Variants in PLEKHJ1 observed in about 807,000 individuals in gnomAD.
PLEKHJ1 encodes pleckstrin homology domain containing J1.
In PLEKHJ1, 20 loss-of-function variants were observed where a neutral mutation model predicts 21.7. The ratio of observed to expected loss-of-function variants is 0.92; its 90% CI spans 0.65 to 1.34. The LOEUF is 1.34. Ranked by LOEUF, PLEKHJ1 falls within the 40% of genes most tolerant of loss-of-function variation. The probability of loss-of-function intolerance (pLI) is 0.00; values close to 1 mark genes in which losing one functional copy is unlikely to be tolerated. For missense variants in PLEKHJ1, 241 were observed against 202.0 expected (o/e 1.19, Z -1.17); for synonymous variants, 113 against 80.6 (o/e 1.40, Z -2.15).
downstream of PLEKHJ1, chr19:2,230,052 G>A: frequency 3.3e-6 from 2 of 611,606 alleles, no homozygotes; most frequent in Admixed American, 6.4e-5. Context: ...CATCTAAGTG[G>A]TAAAAGGCAA....
downstream of PLEKHJ1, chr19:2,232,447 G>A (rs915355968): frequency 9.0e-6 from 2 of 222,684 alleles, no homozygotes. Context: ...GTGTCTTCCG[G>A]GTGAACTGTA....
At chr19:2,230,780 A>C, downstream of PLEKHJ1, 2 of 388,860 alleles carry the variant, frequency 5.1e-6, no homozygotes, top group Non-Finnish European at 4.5e-6. Flanking sequence ...CAGTGCACAA[A>C]ATGGCCCCAG....
Position 2,233,733 on chromosome 19 carries a change from C to A in PLEKHJ1, c.*107G>T. The A allele has an allele frequency of 1.8e-6, 2 of 1,084,002 alleles. No individual in the cohort carries two copies. The highest frequency in any genetic ancestry group is 1.5e-5 in the South Asian group (1 of 68,142). 67.1% of individuals were successfully genotyped at this position (1,084,002 alleles called of 1,614,324 possible). A position where few individuals can be genotyped will look rare whatever the true frequency, so the allele number is the denominator to read the frequency against. On this transcript the variant is annotated 3_prime_UTR_variant, in exon 6 of 6. Transcript: ENST00000326631. ...CCTGGGCAACACAGTGAAACCCTGACCCAAAAACCAAAAACCAAAACAAAA... is the reference window on the plus strand; with the variant it reads ...CCTGGGCAACACAGTGAAACCCTGAACCAAAAACCAAAAACCAAAACAAAA...
rs1378920452 is a variant in PLEKHJ1, at chr19:2,233,535, C to T, written c.*305G>A. 9 of 481,256 alleles carry T rather than the reference C, an allele frequency of 1.9e-5. No homozygotes were observed. Among genetic ancestry groups the T allele is most frequent in the Non-Finnish European group, 3.3e-5 (9 of 270,956 alleles). The allele number at this position is 481,256 out of a possible 1,614,324, so 29.8% of individuals were successfully genotyped here. A position where few individuals can be genotyped will look rare whatever the true frequency, so the allele number is the denominator to read the frequency against. On this transcript the variant is annotated 3_prime_UTR_variant, in exon 6 of 6. Coordinates refer to ENST00000326631, the MANE Select transcript of PLEKHJ1 (RefSeq NM_018049.3). The stretch of plus-strand genomic sequence containing the variant: ...GCAGCCCCTGCCCACACCCACCTGG[C>T]TTCAGGCTTTGGATGTCTCCAAACC...
At position 2,233,436 on chromosome 19, in the gene PLEKHJ1, G is replaced by C. The variant is rs945572799; in HGVS notation, c.*404C>G. 4.2e-6 allele frequency: 1 copy of C among 239,776 alleles called. No homozygotes were observed. The allele number at this position is 239,776 out of a possible 1,614,324, so 14.9% of individuals were successfully genotyped here. On this transcript the variant is annotated 3_prime_UTR_variant, in exon 6 of 6. Transcript: ENST00000326631. ...CATATCCTGGCGGCAGCAGCACGTG[G>C]CACCAGGTGCCAGGCCAGTTAGGTG...
rs2024797534 is a variant in PLEKHJ1 at position 2,235,954 on chromosome 19, A to T, written c.131T>A (p.Phe44Tyr). ...KRRLVKLVVN[F>Y]LFYFRTDEAE... is the part of the protein sequence containing the mutation. ...CTCGTCTGTCCGAAAGTAGAAGAGGAAATTCACCACCAGCTTCACCAGCCG... is the reference window on the plus strand; with the variant it reads ...CTCGTCTGTCCGAAAGTAGAAGAGGTAATTCACCACCAGCTTCACCAGCCG... The change falls in exon 2 of 6, where the codon TTC (phenylalanine) becomes TAC (tyrosine). Residue 44 changes from phenylalanine (F) to tyrosine (Y), a missense_variant. Physicochemically the swap from Phe to Tyr is conservative, Grantham distance 22. Transcript: ENST00000326631. The T allele has an allele frequency of 6.2e-7, 1 of 1,610,394 alleles. No homozygotes were observed. Among genetic ancestry groups the T allele is most frequent in the African/African-American group, 1.3e-5 (1 of 74,712 alleles).
chr19:2,233,911 G>A lies in PLEKHJ1; in HGVS notation c.385-6C>T. 1 of 1,612,684 alleles carries A rather than the reference G, an allele frequency of 6.2e-7. No individual in the cohort carries two copies. Among genetic ancestry groups the A allele is most frequent in the Non-Finnish European group, 8.5e-7 (1 of 1,179,840 alleles). On this transcript the variant is annotated splice_region_variant and splice_polypyrimidine_tract_variant and intron_variant, in intron 5 of 5. Transcript: ENST00000326631. ...CCGAACTGTTCCAGGGGGTCCTGTG[G>A]GGAGGACGGGTGGCCATGAGCCAGG...
downstream of PLEKHJ1, chr19:2,232,313 T>G (rs749769511): frequency 1.8e-4 from 38 of 213,924 alleles, 1 homozygote; most frequent in Non-Finnish European, 3.3e-4. Flanking sequence ...GATGCGTCAG[T>G]CTGTTCAGTG....
At position 2,236,302 on chromosome 19, in the gene PLEKHJ1, T is replaced by C; in HGVS notation, c.-54A>G. 1.7e-6 allele frequency: 2 copies of C among 1,174,334 alleles called. No homozygotes were observed. Among genetic ancestry groups the C allele is most frequent in the Non-Finnish European group, 2.2e-6 (2 of 901,824 alleles). 72.7% of individuals were successfully genotyped at this position (1,174,334 alleles called of 1,614,324 possible). On this transcript the variant is annotated 5_prime_UTR_variant, in exon 1 of 6. Transcript: ENST00000326631. The stretch of plus-strand genomic sequence containing the variant: ...GCGCCCTCCCGGCCGCCGTCCCCGC[T>C]CAGGCTGGGGCCGGCGCCAAAAATG...
At position 2,236,256 on chromosome 19, in the gene PLEKHJ1, C is replaced by T; in HGVS notation, c.-8G>A. 7.2e-7 allele frequency: 1 copy of T among 1,381,360 alleles called. No homozygotes were observed. Among genetic ancestry groups the T allele is most frequent in the Non-Finnish European group, 9.4e-7 (1 of 1,068,682 alleles). The allele number at this position is 1,381,360 out of a possible 1,614,324, so 85.6% of individuals were successfully genotyped here. A position where few individuals can be genotyped will look rare whatever the true frequency, so the allele number is the denominator to read the frequency against. On this transcript the variant is annotated 5_prime_UTR_variant, in exon 1 of 6. Coordinates refer to ENST00000326631, the MANE Select transcript of PLEKHJ1 (RefSeq NM_018049.3). Reference sequence around the variant, plus strand: ...CTTCTCGTTGTACCGCATGGCTCCGCGGGGAACGGGAACCCGGGCCGCGCC... The same window carrying T: ...CTTCTCGTTGTACCGCATGGCTCCGTGGGGAACGGGAACCCGGGCCGCGCC...
downstream of PLEKHJ1, chr19:2,231,360 C>T (rs985695943): frequency 9.6e-6 from 2 of 208,482 alleles, no homozygotes; most frequent in African/African-American, 2.3e-5. Flanking sequence ...GATGGACACA[C>T]GTCACATCCC....
rs367767708 is a variant in PLEKHJ1 at position 2,236,240 on chromosome 19, G to A, written c.9C>T (p.Tyr3=). The A allele has an allele frequency of 3.9e-4, 560 of 1,432,412 alleles. 2 individuals carry two copies. In the African/African-American group the frequency reaches 6.7e-3, roughly 17 times the overall value. 88.7% of individuals were successfully genotyped at this position (1,432,412 alleles called of 1,614,324 possible). A position where few individuals can be genotyped will look rare whatever the true frequency, so the allele number is the denominator to read the frequency against. The part of the protein sequence containing the change: MR[Y]NEKELQALSR... ...ACAGAGCCTGCAGCTCCTTCTCGTTGTACCGCATGGCTCCGCGGGGAACGG... is the reference window on the plus strand; with the variant it reads ...ACAGAGCCTGCAGCTCCTTCTCGTTATACCGCATGGCTCCGCGGGGAACGG... The change falls in exon 1 of 6, where the codon TAC becomes TAT. Residue 3 remains tyrosine, a synonymous_variant. Coordinates refer to ENST00000326631, the MANE Select transcript of PLEKHJ1 (RefSeq NM_018049.3).
At chr19:2,234,118 C>T in intron 4 of PLEKHJ1, 32 bp downstream of exon 4, 5 of 1,611,218 alleles carry the variant, frequency 3.1e-6, no homozygotes, top group Non-Finnish European at 4.2e-6. Flanking sequence ...GCTGTGCCCA[C>T]CCCAGCAGTG....
rs758101555 is a variant in PLEKHJ1 at position 2,235,832 on chromosome 19, G to T, written c.163-4C>A. On this transcript the variant is annotated splice_region_variant and splice_polypyrimidine_tract_variant and intron_variant, in intron 2 of 5. Coordinates refer to ENST00000326631, the MANE Select transcript of PLEKHJ1 (RefSeq NM_018049.3). ...CCAGCAGCAGGGCTCCGACGGGCTG[G>T]AGGAGACACGGGCGCCGGGACGGGG... 9.0e-5 allele frequency: 140 copies of T among 1,559,472 alleles called. No homozygotes were observed. Among genetic ancestry groups the T allele is most frequent in the South Asian group, 3.7e-4 (32 of 85,436 alleles).
At chr19:2,235,414 C>A in intron 3 of PLEKHJ1, 1 of 269,200 alleles carries the variant, frequency 3.7e-6, no homozygotes, top group Non-Finnish European at 7.0e-6. Flanking sequence ...GGATTTCCAG[C>A]CCGGGGCCAT....
rs901467362 is a variant in PLEKHJ1, at chr19:2,235,823, G to A, written c.168C>T (p.Val56=). 2.6e-6 allele frequency: 4 copies of A among 1,555,420 alleles called. No individual in the cohort carries two copies. Among genetic ancestry groups the A allele is most frequent in the African/African-American group, 1.4e-5 (1 of 73,296 alleles). Residue 56 remains valine, a synonymous_variant, in exon 3 of 6, where the codon GTC becomes GTT. Transcript: ENST00000326631. ...FYFRTDEAEP[V]GALLLERCRV... ...TGCAGCGCTCCAGCAGCAGGGCTCCGACGGGCTGGAGGAGACACGGGCGCC... is the reference window on the plus strand; with the variant it reads ...TGCAGCGCTCCAGCAGCAGGGCTCCAACGGGCTGGAGGAGACACGGGCGCC...
At chr19:2,234,461 A>G in intron 3 of PLEKHJ1, 1 of 518,358 alleles carries the variant, frequency 1.9e-6, no homozygotes, top group East Asian at 3.2e-5. Flanking sequence ...CTATAATCCC[A>G]GCGCTTTGAG....
Position 2,236,304 on chromosome 19 carries a change from A to T in PLEKHJ1, c.-56T>A, listed in dbSNP as rs2145000283. The T allele has an allele frequency of 8.7e-7, 1 of 1,151,698 alleles. No individual in the cohort carries two copies. 71.3% of individuals were successfully genotyped at this position (1,151,698 alleles called of 1,614,324 possible). ...GCCCTCCCGGCCGCCGTCCCCGCTCAGGCTGGGGCCGGCGCCAAAAATGTC... is the reference window on the plus strand; with the variant it reads ...GCCCTCCCGGCCGCCGTCCCCGCTCTGGCTGGGGCCGGCGCCAAAAATGTC... On this transcript the variant is annotated 5_prime_UTR_variant, in exon 1 of 6. Coordinates refer to ENST00000326631, the MANE Select transcript of PLEKHJ1 (RefSeq NM_018049.3).
At chr19:2,235,101 A>G (rs1032205108) in intron 3 of PLEKHJ1, 1 of 152,240 alleles carries the variant, frequency 6.6e-6, no homozygotes, top group African/African-American at 2.4e-5. Context: ...ATGTGGGCAC[A>G]GACGTGATGC....
Sources: gnomAD v4.1 joint callset for allele counts on GRCh38, gnomAD v4.1.1 for gene constraint, MANE v1.5 for transcripts, NCBI Gene and HGNC (gene_info 2026-07-23, HGNC 2026-07-21) for gene names.